Variants in PPP1R14C observed in about 807,000 individuals in gnomAD.
The protein encoded by PPP1R14C is protein phosphatase 1 regulatory subunit 14C.
A neutral mutation model predicts 20.4 loss-of-function variants in PPP1R14C; 16 were observed. That is an observed-to-expected ratio of 0.78 (90% CI 0.53 to 1.19). The LOEUF is 1.19. Among genes scored for constraint, PPP1R14C ranks in the 50% most tolerant of loss-of-function variants. The pLI is 0.00. For missense variants in PPP1R14C, 211 were observed against 220.1 expected (o/e 0.96, Z 0.26); for synonymous variants, 91 against 91.0 (o/e 1.00, Z 0.00).
At chr6:150,144,751 G>A (rs1172706578) in intron 1 of PPP1R14C, among the ~76,000 whole-genome samples, 1 of 152,204 alleles carries the variant, frequency 6.6e-6, no homozygotes, top group Admixed American at 6.5e-5. Context: ...ATATAATGAA[G>A]CTTGACTGTA....
At chr6:150,242,419 C>T (rs373351276) in intron 3 of PPP1R14C, among the ~76,000 whole-genome samples, 9 of 131,860 alleles carry the variant, frequency 6.8e-5, no homozygotes, top group East Asian at 4.4e-4. Flanking sequence ...GTTTAACATT[C>T]GAAAATCAAT....
At chr6:150,225,286 T>C (rs541267353) in intron 3 of PPP1R14C, among the ~76,000 whole-genome samples, 134 of 152,308 alleles carry the variant, frequency 8.8e-4, no homozygotes, top group African/African-American at 3.1e-3. Flanking sequence ...CCTGGGAGAA[T>C]TCTTAGAGGT....
At chr6:150,223,503 A>T (rs1778194131) in intron 3 of PPP1R14C, among the ~76,000 whole-genome samples, 1 of 152,178 alleles carries the variant, frequency 6.6e-6, no homozygotes, top group Non-Finnish European at 1.5e-5. Flanking sequence ...CCTCACCAGC[A>T]TTTAGTGTTG....
chr6:150,228,640 G>A lies in PPP1R14C; in HGVS notation c.423+11784G>A, dbSNP rs141837838. 9.7e-4 allele frequency among the ~76,000 whole-genome samples: 147 copies of A among 152,122 alleles called. 2 individuals carry two copies. Among genetic ancestry groups the A allele is most frequent in the African/African-American group, 3.3e-3 (137 of 41,512 alleles). On this transcript the variant is annotated intron_variant, in intron 3 of 3. Transcript: ENST00000361131. ...CAGCTGATACCACATGACTCAAAGCGTCTACTCTAAATCACATCGTTAGAC... is the reference window on the plus strand; with the variant it reads ...CAGCTGATACCACATGACTCAAAGCATCTACTCTAAATCACATCGTTAGAC...
chr6:150,232,256 C>A (rs1778304852), intron 3 of PPP1R14C, among the ~76,000 whole-genome samples: 1 of 151,886 alleles, frequency 6.6e-6, no homozygotes, highest in Non-Finnish European at 1.5e-5. Flanking sequence ...TCTTTGCCCA[C>A]TTTTCTTTTG....
intron 1 of PPP1R14C, among the ~76,000 whole-genome samples, chr6:150,170,668 A>G (rs115747242): frequency 0.028 from 4,295 of 152,182 alleles, 127 homozygotes; most frequent in East Asian, 0.1. Context: ...GACCAAAGAG[A>G]CAAAAATCAC....
At chr6:150,226,037 T>G (rs1294093460) in intron 3 of PPP1R14C, among the ~76,000 whole-genome samples, 2 of 152,224 alleles carry the variant, frequency 1.3e-5, no homozygotes, top group African/African-American at 4.8e-5. Flanking sequence ...TCATCCTATA[T>G]GGGCCACTGG....
chr6:150,214,856 C>T (rs1199782571), intron 2 of PPP1R14C, 29 bp downstream of exon 2: 4 of 1,494,516 alleles, frequency 2.7e-6, no homozygotes, highest in Non-Finnish European at 3.7e-6. Context: ...TGAGAACCTT[C>T]TAATCATGGA....
At chr6:150,244,818 A>G (rs908002279) in intron 3 of PPP1R14C, among the ~76,000 whole-genome samples, 1 of 152,180 alleles carries the variant, frequency 6.6e-6, no homozygotes, top group African/African-American at 2.4e-5. Context: ...AATAAAATAA[A>G]TTCTATTTTT....
At chr6:150,146,721 A>G (rs1023971712) in intron 1 of PPP1R14C, among the ~76,000 whole-genome samples, 1 of 152,186 alleles carries the variant, frequency 6.6e-6, no homozygotes, top group Non-Finnish European at 1.5e-5. Flanking sequence ...GAGCTTGTTC[A>G]TGCCCTAGAA....
At chr6:150,244,345 A>G (rs1254802029) in intron 3 of PPP1R14C, among the ~76,000 whole-genome samples, 2 of 152,170 alleles carry the variant, frequency 1.3e-5, no homozygotes, top group African/African-American at 4.8e-5. Context: ...TTCTGCTAGA[A>G]ACACTTTTCC....
intron 1 of PPP1R14C, among the ~76,000 whole-genome samples, chr6:150,190,353 T>G (rs1201969215): frequency 6.6e-6 from 1 of 151,770 alleles, no homozygotes; most frequent in East Asian, 1.9e-4. Context: ...CCCCACTTTA[T>G]GCATGTTAGG....
intron 2 of PPP1R14C, 88 bp downstream of exon 2, chr6:150,214,915 G>C: frequency 1.1e-6 from 1 of 914,616 alleles, no homozygotes. Flanking sequence ...AACTGATTCC[G>C]CCCTGTGGTG....
At position 150,201,206 on chromosome 6, in the gene PPP1R14C, A is replaced by T. The variant is rs1233110813; in HGVS notation, c.307-13538A>T. On this transcript the variant is annotated intron_variant, in intron 1 of 3. Transcript: ENST00000361131. The surrounding 1 kb of genome is among the most constrained non-coding windows in gnomAD (Gnocchi z 4.2). ...TATTTACAAAATGATTATCGGGGTCATGTGTCAGGCGCTATCCCAGGCACT... is the reference window on the plus strand; with the variant it reads ...TATTTACAAAATGATTATCGGGGTCTTGTGTCAGGCGCTATCCCAGGCACT... 6.6e-6 allele frequency among the ~76,000 whole-genome samples: 1 copy of T among 152,236 alleles called. No individual in the cohort carries two copies. Among genetic ancestry groups the T allele is most frequent in the Admixed American group, 6.5e-5 (1 of 15,280 alleles).
chr6:150,223,227 G>T (rs1229818449), intron 3 of PPP1R14C, among the ~76,000 whole-genome samples: 4 of 152,134 alleles, frequency 2.6e-5, no homozygotes, highest in Non-Finnish European at 5.9e-5. Context: ...GGATGTACCA[G>T]AGTTTATCCA....
chr6:150,223,981 G>T (rs924040836), intron 3 of PPP1R14C, among the ~76,000 whole-genome samples: 2 of 152,128 alleles, frequency 1.3e-5, no homozygotes, highest in African/African-American at 2.4e-5. Context: ...TTATAGTTTT[G>T]CACTTTACAT....
intron 3 of PPP1R14C, among the ~76,000 whole-genome samples, chr6:150,234,848 CAAAAAAAAAAAA>C (rs56139981): frequency 1.4e-4 from 6 of 41,836 alleles, no homozygotes; most frequent in African/African-American, 4.1e-4. Flanking sequence ...GACTCTGTCT[CAAAAAAAAAAAA>C]AAAAAAAAAA....
intron 3 of PPP1R14C, among the ~76,000 whole-genome samples, chr6:150,226,558 A>G (rs544037642): frequency 6.6e-6 from 1 of 152,280 alleles, no homozygotes; most frequent in East Asian, 1.9e-4. Flanking sequence ...CAGAAAATGC[A>G]TTTAATGTGG....
chr6:150,205,256 C>T (rs1269141970), intron 1 of PPP1R14C, among the ~76,000 whole-genome samples: 1 of 152,106 alleles, frequency 6.6e-6, no homozygotes, highest in Non-Finnish European at 1.5e-5. Flanking sequence ...GCAGTTCAGC[C>T]TGGGCTTAGT....
Sources: allele counts gnomAD v4.1 joint callset (sites outside exome capture counted in the v4.1 genomes callset), GRCh38; gene constraint gnomAD v4.1.1; non-coding constraint Gnocchi (gnomAD v3.1); transcripts MANE v1.5; gene names NCBI Gene and HGNC (gene_info 2026-07-23, HGNC 2026-07-21).